TMED9: variants seen among roughly 807,000 people sequenced by gnomAD.
The protein encoded by TMED9 is transmembrane emp24 domain-containing protein 9.
TMED9 carries 22 observed loss-of-function variants against 30.6 expected under a neutral mutation model. That is an observed-to-expected ratio of 0.72 (90% CI 0.51 to 1.03). The LOEUF (loss-of-function observed/expected upper bound fraction) is 1.03. Among genes scored for constraint, TMED9 ranks in the 50% least tolerant of loss-of-function variants. TMED9 has a pLI of 0.00. For missense variants in TMED9, 251 were observed against 302.1 expected (o/e 0.83, Z 1.25); for synonymous variants, 146 against 122.8 (o/e 1.19, Z -1.25).
At position 177,595,609 on chromosome 5, in the gene TMED9, C is replaced by CCT; in HGVS notation, c.*202_*203dup. On this transcript the variant is annotated 3_prime_UTR_variant, in exon 5 of 5. Coordinates refer to ENST00000332598, the MANE Select transcript of TMED9 (RefSeq NM_017510.6). ...AGCAGGTAGTGGGGCAAATTCCTGC[C>CCT]CTCTCTCTCTGGCCTCTGGGCCGTT... 1.8e-6 allele frequency: 1 copy of CCT among 551,962 alleles called. No individual in the cohort carries two copies. Among genetic ancestry groups the CCT allele is most frequent in the East Asian group, 3.4e-5 (1 of 29,638 alleles). The allele number at this position is 551,962 out of a possible 1,614,324, so 34.2% of individuals were successfully genotyped here. A position where few individuals can be genotyped will look rare whatever the true frequency, so the allele number is the denominator to read the frequency against.
At position 177,593,639 on chromosome 5, in the gene TMED9, C is replaced by T. The variant is rs1266602570; in HGVS notation, c.286-11C>T. 1 of 1,614,064 alleles carries T rather than the reference C, an allele frequency of 6.2e-7. No homozygotes were observed. The highest frequency in any genetic ancestry group is 8.5e-7 in the Non-Finnish European group (1 of 1,179,926). On this transcript the variant is annotated splice_polypyrimidine_tract_variant and intron_variant, in intron 2 of 4. Coordinates refer to ENST00000332598, the MANE Select transcript of TMED9 (RefSeq NM_017510.6). The stretch of plus-strand genomic sequence containing the variant: ...CCATAATACTGACTGAAGCTTGTTA[C>T]CTTCCTCCAGGTCATCCTGGCCCGG...
Position 177,593,671 on chromosome 5 carries a change from G to A in TMED9, c.307G>A (p.Gly103Ser). ...CCAGGTCATCCTGGCCCGGCAGTAT[G>A]GCTCCGAGGGCAGGTTCACTTTCAC... ...EDKVILARQY[G>S]SEGRFTFTSH... Residue 103 changes from glycine (G) to serine (S), a missense_variant, in exon 3 of 5, where the codon GGC becomes AGC. Gly to Ser is a moderately conservative substitution (Grantham distance 56). Coordinates refer to ENST00000332598, the MANE Select transcript of TMED9 (RefSeq NM_017510.6). The A allele has an allele frequency of 6.2e-7, 1 of 1,614,196 alleles. No individual in the cohort carries two copies. Among genetic ancestry groups the A allele is most frequent in the Non-Finnish European group, 8.5e-7 (1 of 1,180,028 alleles).
chr5:177,593,994 G>C, intron 3 of TMED9, 145 bp from the exon 4 acceptor site: 1 of 1,243,938 alleles, frequency 8.0e-7, no homozygotes, highest in Non-Finnish European at 1.1e-6. Flanking sequence ...TGTGCCCAGA[G>C]CCTCATGGGG....
intron 4 of TMED9, among the ~76,000 whole-genome samples, chr5:177,594,691 T>C (rs1204567599): frequency 2.0e-5 from 3 of 152,230 alleles, no homozygotes; most frequent in Non-Finnish European, 4.4e-5. Context: ...ACCTGGGGGC[T>C]TCCTTGCAGA....
rs1767689660 is a variant in TMED9 at position 177,596,320 on chromosome 5, G to T, written c.*904G>T. On this transcript the variant is annotated 3_prime_UTR_variant, in exon 5 of 5. Coordinates refer to ENST00000332598, the MANE Select transcript of TMED9 (RefSeq NM_017510.6). ...TATACAACAAGTAAATTGGGCTGGGGCTCAAATTTACACCCTTTCCTCTGT... is the reference window on the plus strand; with the variant it reads ...TATACAACAAGTAAATTGGGCTGGGTCTCAAATTTACACCCTTTCCTCTGT... Among the ~76,000 whole-genome samples, 1 of 152,196 alleles carries T rather than the reference G, an allele frequency of 6.6e-6. No individual in the cohort carries two copies. The highest frequency in any genetic ancestry group is 2.1e-4 in the South Asian group (1 of 4,836).
intron 1 of TMED9, 87 bp downstream of exon 1, chr5:177,592,485 G>T (rs1043473452): frequency 6.4e-7 from 1 of 1,555,138 alleles, no homozygotes; most frequent in Non-Finnish European, 8.7e-7. Flanking sequence ...CTCTAGAGCC[G>T]GGAGGAGACG....
At position 177,593,656 on chromosome 5, in the gene TMED9, C is replaced by G. The variant is rs756798340; in HGVS notation, c.292C>G (p.Leu98Val). The part of the protein sequence containing the change: ...EVKDPEDKVI[L>V]ARQYGSEGRF... ...GCTTGTTACCTTCCTCCAGGTCATCCTGGCCCGGCAGTATGGCTCCGAGGG... is the reference window on the plus strand; with the variant it reads ...GCTTGTTACCTTCCTCCAGGTCATCGTGGCCCGGCAGTATGGCTCCGAGGG... Residue 98 changes from leucine (L) to valine (V), a missense_variant, in exon 3 of 5, where the codon CTG (leucine) becomes GTG (valine). Coordinates refer to ENST00000332598, the MANE Select transcript of TMED9 (RefSeq NM_017510.6). The G allele has an allele frequency of 8.1e-6, 13 of 1,614,080 alleles. No homozygotes were observed. Among genetic ancestry groups the G allele is most frequent in the Non-Finnish European group, 1.1e-5 (13 of 1,180,016 alleles).
At chr5:177,594,676 G>C (rs1432541277) in intron 4 of TMED9, among the ~76,000 whole-genome samples, 1 of 152,254 alleles carries the variant, frequency 6.6e-6, no homozygotes, top group Non-Finnish European at 1.5e-5. Flanking sequence ...CCACTGTTCA[G>C]TGTCACCTGG....
In TMED9 at chr5:177,594,103, T is replaced by C. The variant is rs376863923; in HGVS notation, c.412-36T>C. The C allele has an allele frequency of 1.9e-5, 31 of 1,612,532 alleles. No homozygotes were observed. In the African/African-American group the frequency reaches 3.5e-4, roughly 18 times the overall value. On this transcript the variant is annotated intron_variant, in intron 3 of 4. Transcript: ENST00000332598. ...CTCTGGCAGGAAGATGGAGCAGGGCTACCAGATTTCCCTTATCTCCTTTGT... is the reference window on the plus strand; with the variant it reads ...CTCTGGCAGGAAGATGGAGCAGGGCCACCAGATTTCCCTTATCTCCTTTGT...
Position 177,595,761 on chromosome 5 carries a change from T to G in TMED9, c.*345T>G. ...AGGGGAATGGGCAGGCAAGCCAGTCTTCTGTCTTCCTTTGCTAACTTAGGG... is the reference window on the plus strand; with the variant it reads ...AGGGGAATGGGCAGGCAAGCCAGTCGTCTGTCTTCCTTTGCTAACTTAGGG... On this transcript the variant is annotated 3_prime_UTR_variant, in exon 5 of 5. Transcript: ENST00000332598. 3 of 157,140 alleles carry G rather than the reference T, an allele frequency of 1.9e-5. No individual in the cohort carries two copies. The highest frequency in any genetic ancestry group is 2.8e-5 in the Non-Finnish European group (2 of 70,778). 9.7% of individuals were successfully genotyped at this position (157,140 alleles called of 1,614,324 possible). A position where few individuals can be genotyped will look rare whatever the true frequency, so the allele number is the denominator to read the frequency against.
intron 2 of TMED9, 101 bp downstream of exon 2, chr5:177,592,776 T>TCAA: frequency 1.2e-6 from 1 of 846,188 alleles, no homozygotes; most frequent in Admixed American, 2.5e-5. Context: ...GAGAGACAGT[T>TCAA]GATGTTGTGG....
rs375554888 is a variant in TMED9, at chr5:177,595,360, G to A, written c.652G>A (p.Gly218Ser). Residue 218 changes from glycine (G) to serine (S), a missense_variant, in exon 5 of 5, where the codon GGT becomes AGT. Physicochemically the swap from Gly to Ser is moderately conservative, Grantham distance 56 (BLOSUM62 0). Around this residue, in one of 2 missense-constraint regions of TMED9, gnomAD observed 153 missense variants for 239.6 expected, o/e 0.64. Coordinates refer to ENST00000332598, the MANE Select transcript of TMED9 (RefSeq NM_017510.6). ...GCAGACCCTCATCCTCGTGGCCATC[G>A]GTGTCTGGCAGATGCGGCACCTCAA... ...ILQTLILVAI[G>S]VWQMRHLKSF... is the part of the protein sequence containing the mutation. 243 of 1,612,956 alleles carry A rather than the reference G, an allele frequency of 1.5e-4. 1 individual carries two copies. The highest frequency in any genetic ancestry group is 6.6e-4 in the South Asian group (60 of 90,970).
At chr5:177,595,238 A>G (rs903481351) in intron 4 of TMED9, 29 bp from the exon 5 acceptor site, 27 of 1,513,482 alleles carry the variant, frequency 1.8e-5, no homozygotes, top group Non-Finnish European at 2.2e-5. Context: ...GCCCCAGCCA[A>G]CTCAGGCTCA....
rs8562 is a variant in TMED9 at position 177,595,896 on chromosome 5, G to A, written c.*480G>A. 0.011 allele frequency: 1,634 copies of A among 153,202 alleles called. 25 individuals carry two copies. Among genetic ancestry groups the A allele is most frequent in the African/African-American group, 0.038 (1,559 of 41,528 alleles). 9.5% of individuals were successfully genotyped at this position (153,202 alleles called of 1,614,324 possible). A position where few individuals can be genotyped will look rare whatever the true frequency, so the allele number is the denominator to read the frequency against. On this transcript the variant is annotated 3_prime_UTR_variant, in exon 5 of 5. Transcript: ENST00000332598. Reference sequence around the variant, plus strand: ...CTGATCCAGGGTGTGTGTGAGTTGAGGGTGGGTGGAGGGGTTTGCAGTGTG... The same window carrying A: ...CTGATCCAGGGTGTGTGTGAGTTGAAGGTGGGTGGAGGGGTTTGCAGTGTG...
intron 2 of TMED9, 130 bp downstream of exon 2, chr5:177,592,805 C>G: frequency 3.0e-6 from 2 of 673,256 alleles, no homozygotes; most frequent in Non-Finnish European, 5.2e-6. Flanking sequence ...TGCTGACTTG[C>G]AGACCCCGCC....
Position 177,594,283 on chromosome 5 carries a change from C to T in TMED9, c.556C>T (p.Arg186Trp), listed in dbSNP as rs372518078. The change falls in exon 4 of 5, where the codon CGG becomes TGG. Residue 186 changes from arginine to tryptophan, a missense_variant and splice_region_variant. Around this residue, in one of 2 missense-constraint regions of TMED9, gnomAD observed 153 missense variants for 239.6 expected, o/e 0.64. Transcript: ENST00000332598. ...EQIQKEQNYQ[R>W]WREERFRQTS... ...GATCCAGAAAGAGCAGAACTACCAG[C>T]GGGTGAGTGACTGGGCCGGGAGCAG... The T allele has an allele frequency of 1.2e-5, 20 of 1,613,822 alleles. No individual in the cohort carries two copies. Among genetic ancestry groups the T allele is most frequent in the Non-Finnish European group, 1.6e-5 (19 of 1,179,982 alleles).
chr5:177,592,704 C>CTAGCTGAGAGGCTGGCGGAG, intron 2 of TMED9, 29 bp downstream of exon 2: 3 of 1,524,438 alleles, frequency 2.0e-6, no homozygotes, highest in Non-Finnish European at 2.7e-6. Flanking sequence ...TCCTCTCCGC[C>CTAGCTGAGAGGCTGGCGGAG]AGCCTCTCAG....
chr5:177,593,805 T>G (rs1402356540), intron 3 of TMED9, 30 bp downstream of exon 3: 2 of 1,613,012 alleles, frequency 1.2e-6, no homozygotes, highest in Non-Finnish European at 1.7e-6. Flanking sequence ...ACTTGCAGGT[T>G]TCAGCCTTCA....
intron 2 of TMED9, 27 bp from the exon 3 acceptor site, chr5:177,593,623 T>C (rs369104137): frequency 9.9e-5 from 159 of 1,613,792 alleles, no homozygotes; most frequent in Non-Finnish European, 5.6e-5. Flanking sequence ...ACCATAATAC[T>C]GACTGAAGCT....
Sources: gnomAD v4.1 joint callset for allele counts (sites outside exome capture counted in the v4.1 genomes callset) on GRCh38, gnomAD v4.1.1 for gene constraint, gnomAD v4.1.1 regional missense constraint, MANE v1.5 for transcripts, NCBI Gene and HGNC (gene_info 2026-07-23, HGNC 2026-07-21) for gene names.